DTNB: variants seen among roughly 807,000 people sequenced by gnomAD.
DTNB encodes the protein DTN-B.
DTNB carries 63 observed loss-of-function variants against 90.7 expected under a neutral mutation model. The observed-to-expected ratio is 0.69, with a 90% CI of 0.57 to 0.86. The LOEUF is 0.86. Among genes scored for constraint, DTNB ranks in the 40% least tolerant of loss-of-function variants. The pLI is 0.00. For missense variants in DTNB, 744 were observed against 807.1 expected, an observed-to-expected ratio of 0.92 and a Z score of 0.95; for synonymous variants, 277 against 286.7, an observed-to-expected ratio of 0.97 and a Z score of 0.34.
intron 19 of DTNB, among the ~76,000 whole-genome samples, chr2:25,380,242 ACTCT>A (rs1179712176): frequency 2.6e-5 from 4 of 152,062 alleles, no homozygotes; most frequent in African/African-American, 9.7e-5. Context: ...AAGCAAATAT[ACTCT>A]CTCTCTTTAC....
intron 8 of DTNB, among the ~76,000 whole-genome samples, chr2:25,553,412 A>T (rs1471407668): frequency 7.2e-5 from 11 of 152,090 alleles, no homozygotes; most frequent in Admixed American, 7.2e-4. Context: ...ATCTTCCAAG[A>T]CTTAGGAGTT....
chr2:25,514,655 T>C (rs2074663771), intron 9 of DTNB, among the ~76,000 whole-genome samples: 1 of 146,724 alleles, frequency 6.8e-6, no homozygotes, highest in South Asian at 2.2e-4. Flanking sequence ...TAAGTTCACA[T>C]AAAAAGAAAC....
intron 9 of DTNB, among the ~76,000 whole-genome samples, chr2:25,508,692 G>A (rs937689346): frequency 6.6e-6 from 1 of 151,772 alleles, no homozygotes; most frequent in Non-Finnish European, 1.5e-5. Context: ...GCACCACCAC[G>A]CCGGGCTAAT....
At chr2:25,593,216 C>T (rs907566655) in intron 6 of DTNB, among the ~76,000 whole-genome samples, 2 of 152,174 alleles carry the variant, frequency 1.3e-5, no homozygotes, top group Non-Finnish European at 2.9e-5. Flanking sequence ...TAATTGTGAT[C>T]GCTTTTTTGT....
chr2:25,610,098 T>C (rs901544113), intron 4 of DTNB, among the ~76,000 whole-genome samples: 1 of 152,178 alleles, frequency 6.6e-6, no homozygotes, highest in African/African-American at 2.4e-5. Flanking sequence ...AGGTGAACTA[T>C]ATTTTTTTTG....
At chr2:25,502,768 C>T (rs12470659) in intron 9 of DTNB, among the ~76,000 whole-genome samples, 1 of 151,280 alleles carries the variant, frequency 6.6e-6, no homozygotes, top group Non-Finnish European at 1.5e-5. Flanking sequence ...CGCCTGTAGT[C>T]TCAGCTACTC....
intron 12 of DTNB, among the ~76,000 whole-genome samples, chr2:25,442,390 G>A (rs754619229): frequency 7.2e-5 from 11 of 152,150 alleles, no homozygotes; most frequent in Non-Finnish European, 1.0e-4. Flanking sequence ...CAGTCACCTA[G>A]AGGGATTTTT....
chr2:25,540,403 C>T (rs1274051252), intron 8 of DTNB, among the ~76,000 whole-genome samples: 1 of 152,088 alleles, frequency 6.6e-6, no homozygotes, highest in Admixed American at 6.5e-5. Context: ...ATTTTGTATA[C>T]AGCAGCCCTG....
chr2:25,629,618 C>T (rs1033775846), intron 3 of DTNB, among the ~76,000 whole-genome samples: 22 of 152,066 alleles, frequency 1.4e-4, no homozygotes, highest in African/African-American at 4.8e-4. Flanking sequence ...TAACTTTATT[C>T]GTAACAGGAA....
intron 16 of DTNB, among the ~76,000 whole-genome samples, chr2:25,395,979 G>A (rs1369385691): frequency 1.3e-5 from 2 of 152,134 alleles, no homozygotes; most frequent in Non-Finnish European, 2.9e-5. Flanking sequence ...GAAGACTGGT[G>A]CTAGGACAAT....
At chr2:25,637,149 A>G (rs2077289239) in intron 3 of DTNB, among the ~76,000 whole-genome samples, 1 of 152,212 alleles carries the variant, frequency 6.6e-6, no homozygotes, top group Non-Finnish European at 1.5e-5. Flanking sequence ...AAAACTGGTT[A>G]GCCATATGTC....
chr2:25,622,031 T>C (rs904177387), intron 4 of DTNB, among the ~76,000 whole-genome samples: 5 of 149,226 alleles, frequency 3.4e-5, no homozygotes, highest in African/African-American at 4.9e-5. Context: ...GATACATCAT[T>C]TTTTTTTTTT....
At chr2:25,397,877 C>CAAAAA (rs56318909) in intron 16 of DTNB, among the ~76,000 whole-genome samples, 23 of 73,122 alleles carry the variant, frequency 3.1e-4, no homozygotes, top group African/African-American at 4.4e-4. Context: ...AAGACTGTCT[C>CAAAAA]AAAAAAAAAA....
intron 12 of DTNB, among the ~76,000 whole-genome samples, chr2:25,448,576 C>T (rs1012122742): frequency 5.9e-5 from 9 of 152,146 alleles, no homozygotes; most frequent in Admixed American, 4.6e-4. Context: ...ATTCCATTGA[C>T]GGGCGCGGTG....
intron 8 of DTNB, among the ~76,000 whole-genome samples, chr2:25,550,820 T>C (rs773599338): frequency 6.6e-6 from 1 of 152,148 alleles, no homozygotes. Flanking sequence ...CGGCTAATCT[T>C]TGTATTTTTA....
At chr2:25,558,949 T>G (rs1026688884) in intron 8 of DTNB, among the ~76,000 whole-genome samples, 2 of 152,088 alleles carry the variant, frequency 1.3e-5, no homozygotes, top group African/African-American at 4.8e-5. Flanking sequence ...TGGGAGAGTT[T>G]CAGAGCACTT....
intron 4 of DTNB, among the ~76,000 whole-genome samples, chr2:25,609,740 C>T (rs1362725568): frequency 6.7e-6 from 1 of 150,158 alleles, no homozygotes; most frequent in Non-Finnish European, 1.5e-5. Flanking sequence ...AGGCCCAACC[C>T]TTAGAGATCC....
chr2:25,645,517 G>T (rs1331064114), intron 2 of DTNB, among the ~76,000 whole-genome samples: 1 of 152,042 alleles, frequency 6.6e-6, no homozygotes, highest in African/African-American at 2.4e-5. Context: ...TCAGCTCACT[G>T]TAACGTTGAC....
chr2:25,582,673 T>C (rs1310546593), intron 6 of DTNB, among the ~76,000 whole-genome samples: 1 of 152,154 alleles, frequency 6.6e-6, no homozygotes, highest in African/African-American at 2.4e-5. Context: ...GACAGAATGA[T>C]TGGCGGTATG....
Sources: gnomAD v4.1 joint callset for allele counts (sites outside exome capture counted in the v4.1 genomes callset) on GRCh38, gnomAD v4.1.1 for gene constraint, MANE v1.5 for transcripts, NCBI Gene and HGNC (gene_info 2026-07-23, HGNC 2026-07-21) for gene names.